TENM1: variants seen among roughly 807,000 people sequenced by gnomAD.
The protein encoded by TENM1 is teneurin transmembrane protein 1.
A neutral mutation model predicts 174.8 loss-of-function variants in TENM1; 35 were observed. That is an observed-to-expected ratio of 0.20 (90% CI 0.15 to 0.27). The LOEUF (loss-of-function observed/expected upper bound fraction) is 0.27. TENM1 is among the 10% of genes least tolerant of loss of function. The probability of loss-of-function intolerance (pLI) is 1.00; values close to 1 mark genes in which losing one functional copy is unlikely to be tolerated. For missense variants in TENM1, 1,633 were observed against 2,130.1 expected, an observed-to-expected ratio of 0.77 and a Z score of 4.59; for synonymous variants, 781 against 798.7, an observed-to-expected ratio of 0.98 and a Z score of 0.37.
At chrX:124,862,575 C>G (rs1036033792) in intron 3 of TENM1, among the ~76,000 whole-genome samples, 1 of 110,992 alleles carries the variant, frequency 9.0e-6, no homozygotes, top group African/African-American at 3.3e-5. Flanking sequence ...GCATTTAAAC[C>G]AGCCCTAGCC....
intron 1 of TENM1, among the ~76,000 whole-genome samples, chrX:124,947,957 A>C (rs1603288110): frequency 8.9e-6 from 1 of 112,216 alleles, no homozygotes; most frequent in Admixed American, 9.5e-5. Flanking sequence ...ATGCTTAGTT[A>C]GGAAGGCCAT....
intron 1 of TENM1, among the ~76,000 whole-genome samples, chrX:124,917,368 CA>C (rs1467371273): frequency 8.9e-6 from 1 of 111,889 alleles, no homozygotes; most frequent in East Asian, 2.8e-4. Flanking sequence ...TACCACCATT[CA>C]CTGTCGGAGT....
intron 15 of TENM1, among the ~76,000 whole-genome samples, chrX:124,541,218 T>C (rs1307642587): frequency 8.9e-6 from 1 of 111,784 alleles, no homozygotes; most frequent in Admixed American, 9.5e-5. Context: ...TTAGCAAATA[T>C]GAGAAGAGCA....
chrX:125,097,744 C>A, the TENM1 span, among the ~76,000 whole-genome samples: 1 of 112,160 alleles, frequency 8.9e-6, no homozygotes, highest in Non-Finnish European at 1.9e-5. Flanking sequence ...CAGATCGTTA[C>A]AAAAAACTCT....
At chrX:124,874,641 A>G (rs981820438) in intron 3 of TENM1, among the ~76,000 whole-genome samples, 1 of 110,949 alleles carries the variant, frequency 9.0e-6, no homozygotes, top group African/African-American at 3.3e-5. Context: ...AGGTTGGAAG[A>G]AATTCTCCCA....
intron 3 of TENM1, among the ~76,000 whole-genome samples, chrX:124,798,957 AT>A (rs2055375023): frequency 9.0e-6 from 1 of 111,573 alleles, no homozygotes; most frequent in East Asian, 2.8e-4. Context: ...TCCTTACCCC[AT>A]TGCTTTTTCT....
At chrX:124,863,504 G>T (rs775480354) in intron 3 of TENM1, among the ~76,000 whole-genome samples, 1 of 112,142 alleles carries the variant, frequency 8.9e-6, no homozygotes. Context: ...GCCTGGGGTG[G>T]CGGTAACTAC....
At chrX:124,826,700 C>A (rs1357915723) in intron 3 of TENM1, among the ~76,000 whole-genome samples, 1 of 111,661 alleles carries the variant, frequency 9.0e-6, no homozygotes, top group Admixed American at 9.5e-5. Flanking sequence ...TAGTTTCCCC[C>A]CTTGCATTTT....
At chrX:124,858,924 A>G (rs982587785) in intron 3 of TENM1, among the ~76,000 whole-genome samples, 13 of 111,220 alleles carry the variant, frequency 1.2e-4, no homozygotes, top group Non-Finnish European at 9.4e-5. Flanking sequence ...AGACTGCAAC[A>G]TTTATATTTA....
chrX:125,023,960 C>A, the TENM1 span, among the ~76,000 whole-genome samples: 1 of 111,781 alleles, frequency 8.9e-6, no homozygotes. Flanking sequence ...GTATATGTGG[C>A]CAACAAACAG....
intron 3 of TENM1, among the ~76,000 whole-genome samples, chrX:124,788,033 C>T (rs1412965442): frequency 9.0e-6 from 1 of 111,351 alleles, no homozygotes; most frequent in Non-Finnish European, 1.9e-5. Flanking sequence ...TGCGGGGCAA[C>T]TCCCGTTTTA....
chrX:124,894,443 T>TA lies in TENM1; in HGVS notation c.479-92dup, dbSNP rs754062868. 4.9e-4 allele frequency: 303 copies of TA among 613,826 alleles called. No homozygotes were observed. In the South Asian group the frequency reaches 7.9e-3, roughly 16 times the overall value. 50.6% of individuals were successfully genotyped at this position (613,826 alleles called of 1,213,427 possible). A position where few individuals can be genotyped will look rare whatever the true frequency, so the allele number is the denominator to read the frequency against. On this transcript the variant is annotated intron_variant, in intron 2 of 31. Transcript: ENST00000422452. ...CCCTTACCCTTCATCTAGTGGTGCT[T>TA]AAAAAAAACCCAGCTTTATTGCAAT...
intron 3 of TENM1, among the ~76,000 whole-genome samples, chrX:124,758,068 C>T (rs997430957): frequency 3.6e-5 from 4 of 111,363 alleles, no homozygotes; most frequent in African/African-American, 1.3e-4. Context: ...AAAAGACAAC[C>T]TATGAAATGG....
intron 11 of TENM1, among the ~76,000 whole-genome samples, chrX:124,625,723 G>A (rs1339412536): frequency 4.5e-5 from 5 of 110,542 alleles, no homozygotes; most frequent in African/African-American, 9.9e-5. Flanking sequence ...GAGAGAGGGA[G>A]GGGAGAAAGG....
intron 3 of TENM1, among the ~76,000 whole-genome samples, chrX:124,878,393 CT>C (rs1259917777): frequency 1.8e-5 from 2 of 110,215 alleles, no homozygotes; most frequent in Non-Finnish European, 3.8e-5. Flanking sequence ...TATTTGTCCC[CT>C]CCAAATCTCA....
At chrX:124,484,680 T>C (rs1437068061) in intron 21 of TENM1, among the ~76,000 whole-genome samples, 2 of 111,189 alleles carry the variant, frequency 1.8e-5, no homozygotes, top group African/African-American at 3.3e-5. Flanking sequence ...ATTTTTTTTT[T>C]AGCCTTTCCT....
intron 3 of TENM1, among the ~76,000 whole-genome samples, chrX:124,768,113 A>G (rs1243105667): frequency 1.8e-5 from 2 of 111,691 alleles, no homozygotes; most frequent in Non-Finnish European, 3.8e-5. Context: ...GTGAACGTCA[A>G]TTTATCCTTC....
chrX:124,948,764 G>T (rs2058439448), intron 1 of TENM1, among the ~76,000 whole-genome samples: 1 of 112,010 alleles, frequency 8.9e-6, no homozygotes, highest in African/African-American at 3.2e-5. Flanking sequence ...ATATTGGCCA[G>T]GTTGGTCTCG....
chrX:124,820,244 T>C (rs1262863083), intron 3 of TENM1, among the ~76,000 whole-genome samples: 1 of 111,669 alleles, frequency 9.0e-6, no homozygotes, highest in Non-Finnish European at 1.9e-5. Flanking sequence ...TACTTACACT[T>C]TTCAGTAAGT....
Sources: allele counts gnomAD v4.1 joint callset (sites outside exome capture counted in the v4.1 genomes callset), GRCh38; gene constraint gnomAD v4.1.1; transcripts MANE v1.5; gene names NCBI Gene and HGNC (gene_info 2026-07-23, HGNC 2026-07-21).